Variants in SNX33 observed in about 807,000 individuals in gnomAD.
SNX33 encodes sorting nexin 33, also known as sorting nexin-33.
A neutral mutation model predicts 38.8 loss-of-function variants in SNX33; 19 were observed. The observed-to-expected ratio is 0.49, with a 90% CI of 0.34 to 0.72. SNX33 has a LOEUF of 0.72. Ranked by LOEUF, SNX33 falls within the 30% of genes least tolerant of loss-of-function variation. The probability of loss-of-function intolerance (pLI) is 0.01; values close to 1 mark genes in which losing one functional copy is unlikely to be tolerated. For synonymous variants in SNX33, 246 were observed against 289.7 expected, an observed-to-expected ratio of 0.85 and a Z score of 1.53; for missense variants, 641 against 776.4, an observed-to-expected ratio of 0.83 and a Z score of 2.07.
intron 1 of SNX33, 48 bp from the exon 2 acceptor site, chr15:75,656,914 A>G (rs372518668): frequency 1.7e-5 from 27 of 1,588,048 alleles, no homozygotes; most frequent in Non-Finnish European, 2.2e-5. Context: ...CAGGGAGCAC[A>G]TGGAGATCAG....
chr15:75,651,170 CTGTCT>C (rs1375702512), intron 1 of SNX33, among the ~76,000 whole-genome samples: 3 of 152,202 alleles, frequency 2.0e-5, no homozygotes, highest in Non-Finnish European at 4.4e-5. Flanking sequence ...GAGTGGGGGC[CTGTCT>C]TGTGCTCCTT....
intron 1 of SNX33, among the ~76,000 whole-genome samples, chr15:75,655,776 T>G (rs189932735): frequency 6.6e-6 from 1 of 152,278 alleles, no homozygotes; most frequent in East Asian, 1.9e-4. Flanking sequence ...GCTATCTGTG[T>G]GTAGTGGGTG....
At position 75,648,071 on chromosome 15, in the gene SNX33, G is replaced by A; in HGVS notation, c.-1032G>A. ...CGGCTGGCCGCGCCATCTGCTCGCC[G>A]GAGCTCACTCTCCAAACTCCAAACT... On this transcript the variant is annotated 5_prime_UTR_variant, in exon 1 of 2. Coordinates refer to ENST00000308527, the MANE Select transcript of SNX33 (RefSeq NM_153271.2). This position sits in a 1 kb window ranked among gnomAD's most constrained non-coding sequence, Gnocchi z 4.4. The A allele has an allele frequency of 1.0e-6, 1 of 985,430 alleles. No homozygotes were observed. The highest frequency in any genetic ancestry group is 1.7e-5 in the African/African-American group (1 of 57,372). 61.0% of individuals were successfully genotyped at this position (985,430 alleles called of 1,614,324 possible). A position where few individuals can be genotyped will look rare whatever the true frequency, so the allele number is the denominator to read the frequency against.
Position 75,649,444 on chromosome 15 carries a change from T to TGATGACTGG in SNX33, c.354_362dup (p.Trp120_Asp122dup). 6.5e-7 allele frequency: 1 copy of TGATGACTGG among 1,536,950 alleles called. No individual in the cohort carries two copies. The highest frequency in any genetic ancestry group is 8.8e-7 in the Non-Finnish European group (1 of 1,139,458). On this transcript the variant is annotated inframe_insertion, in exon 1 of 2. Coordinates refer to ENST00000308527, the MANE Select transcript of SNX33 (RefSeq NM_153271.2). The surrounding 1 kb of genome is among the most constrained non-coding windows in gnomAD (Gnocchi z 6.6). ...AGGGTAGCTTTGAGGAGGATGATGA[T>TGATGACTGG]GATGACTGGGATGACTGGGACGACG...
At chr15:75,656,626 G>C (rs1184350098) in intron 1 of SNX33, among the ~76,000 whole-genome samples, 6 of 152,190 alleles carry the variant, frequency 3.9e-5, no homozygotes, top group African/African-American at 1.4e-4. Flanking sequence ...CTGTGGGCCA[G>C]GCCTTGTTCT....
chr15:75,657,077 C>G lies in SNX33; in HGVS notation c.1587C>G (p.Ala529=). The G allele has an allele frequency of 6.2e-7, 1 of 1,614,162 alleles. No homozygotes were observed. The change falls in exon 2 of 2, where the codon GCC becomes GCG. Residue 529 remains alanine (A), a synonymous_variant. Coordinates refer to ENST00000308527, the MANE Select transcript of SNX33 (RefSeq NM_153271.2). The surrounding 1 kb of genome is among the most constrained non-coding windows in gnomAD (Gnocchi z 5.5). ...GCGTGGTGGGTTTCGCCCTGCAGGC[C>G]GAGATGAACCACTTCCACCAGCGCC... ...RCRVVGFALQ[A]EMNHFHQRRE... is the part of the protein sequence containing the mutation.
rs765530961 is a variant in SNX33 at position 75,657,153 on chromosome 15, C to G, written c.1663C>G (p.Leu555Val). 1 of 1,614,058 alleles carries G rather than the reference C, an allele frequency of 6.2e-7. No homozygotes were observed. Among genetic ancestry groups the G allele is most frequent in the African/African-American group, 1.3e-5 (1 of 74,926 alleles). ...MMQNYLRQQI[L>V]FYQRVGQQLE... ...GCAGAACTACTTGCGCCAGCAGATCCTCTTCTACCAGCGGGTGGGCCAGCA... is the reference window on the plus strand; with the variant it reads ...GCAGAACTACTTGCGCCAGCAGATCGTCTTCTACCAGCGGGTGGGCCAGCA... Residue 555 changes from leucine (L) to valine (V), a missense_variant, in exon 2 of 2, where the codon CTC (leucine) becomes GTC (valine). Physicochemically the swap from Leu to Val is conservative, Grantham distance 32. This residue lies in a region of SNX33 where 398 missense variants were observed against 542.5 expected (regional missense o/e 0.73). Coordinates refer to ENST00000308527, the MANE Select transcript of SNX33 (RefSeq NM_153271.2). This position sits in a 1 kb window ranked among gnomAD's most constrained non-coding sequence, Gnocchi z 5.5.
In SNX33 at chr15:75,649,727, G is replaced by A. The variant is rs941303391; in HGVS notation, c.625G>A (p.Ala209Thr). 3.9e-6 allele frequency: 6 copies of A among 1,541,124 alleles called. No individual in the cohort carries two copies. The highest frequency in any genetic ancestry group is 1.9e-5 in the Admixed American group (1 of 51,430). Reference sequence around the variant, plus strand: ...TGATGTGCCCATGATGGCCAAGATCGCTGAGACATACTCCATTGAAATGGG... The same window carrying A: ...TGATGTGCCCATGATGGCCAAGATCACTGAGACATACTCCATTGAAATGGG... ...LGDVPMMAKIAETYSIEMGPR... is the reference protein window; with the variant it reads ...LGDVPMMAKITETYSIEMGPR... Residue 209 changes from alanine to threonine, a missense_variant, in exon 1 of 2, where the codon GCT becomes ACT. Around this residue, in one of 2 missense-constraint regions of SNX33, gnomAD observed 398 missense variants for 542.5 expected, o/e 0.73. Coordinates refer to ENST00000308527, the MANE Select transcript of SNX33 (RefSeq NM_153271.2). The surrounding 1 kb of genome is among the most constrained non-coding windows in gnomAD (Gnocchi z 6.6).
At chr15:75,653,094 A>C (rs1386486306) in intron 1 of SNX33, among the ~76,000 whole-genome samples, 3 of 152,208 alleles carry the variant, frequency 2.0e-5, no homozygotes, top group Non-Finnish European at 4.4e-5. Flanking sequence ...CTAGGTGAGT[A>C]AAATGGGACC....
Position 75,648,277 on chromosome 15 carries a change from A to C in SNX33, c.-826A>C, listed in dbSNP as rs1296709442. 2 of 985,092 alleles carry C rather than the reference A, an allele frequency of 2.0e-6. No homozygotes were observed. The highest frequency in any genetic ancestry group is 2.3e-4 in the East Asian group (2 of 8,758). The allele number at this position is 985,092 out of a possible 1,614,324, so 61.0% of individuals were successfully genotyped here. On this transcript the variant is annotated 5_prime_UTR_variant, in exon 1 of 2. Transcript: ENST00000308527. This position sits in a 1 kb window ranked among gnomAD's most constrained non-coding sequence, Gnocchi z 4.4. ...AAGAGACCACTCAGCGAGTGGCTAG[A>C]AGTCGCCCGACAGCCTCGTCGCGCC...
In SNX33 at chr15:75,649,919, C is replaced by G; in HGVS notation, c.817C>G (p.Leu273Val). ...VYRRYKHFDW[L>V]YNRLLHKFTV... Reference sequence around the variant, plus strand: ...CCGGCGCTACAAACACTTTGACTGGCTCTATAACCGCCTGCTACACAAGTT... The same window carrying G: ...CCGGCGCTACAAACACTTTGACTGGGTCTATAACCGCCTGCTACACAAGTT... Residue 273 changes from leucine to valine, a missense_variant, in exon 1 of 2, where the codon CTC (leucine) becomes GTC (valine). This residue lies in a region of SNX33 where 398 missense variants were observed against 542.5 expected (regional missense o/e 0.73). Coordinates refer to ENST00000308527, the MANE Select transcript of SNX33 (RefSeq NM_153271.2). This position sits in a 1 kb window ranked among gnomAD's most constrained non-coding sequence, Gnocchi z 6.6. The G allele has an allele frequency of 3.8e-6, 6 of 1,594,306 alleles. No homozygotes were observed. Among genetic ancestry groups the G allele is most frequent in the Non-Finnish European group, 5.1e-6 (6 of 1,170,656 alleles).
In SNX33 at chr15:75,649,304, G is replaced by T. The variant is rs757022070; in HGVS notation, c.202G>T (p.Ala68Ser). 1 of 1,606,230 alleles carries T rather than the reference G, an allele frequency of 6.2e-7. No individual in the cohort carries two copies. Among genetic ancestry groups the T allele is most frequent in the Non-Finnish European group, 8.5e-7 (1 of 1,174,974 alleles). Residue 68 changes from alanine to serine, a missense_variant, in exon 1 of 2, where the codon GCT (alanine) becomes TCT (serine). Around this residue, in one of 2 missense-constraint regions of SNX33, gnomAD observed 243 missense variants for 233.9 expected, o/e 1.04. Coordinates refer to ENST00000308527, the MANE Select transcript of SNX33 (RefSeq NM_153271.2). The surrounding 1 kb of genome is among the most constrained non-coding windows in gnomAD (Gnocchi z 6.6). ...CCGTTCTGGCATCAGCACCAACCATGCTGACTACTCCAGCAGCCCTGCAGG... is the reference window on the plus strand; with the variant it reads ...CCGTTCTGGCATCAGCACCAACCATTCTGACTACTCCAGCAGCCCTGCAGG... ...IVRSGISTNHADYSSSPAGSP... is the reference protein window; with the variant it reads ...IVRSGISTNHSDYSSSPAGSP...
intron 1 of SNX33, among the ~76,000 whole-genome samples, chr15:75,656,660 T>C (rs1386643938): frequency 2.0e-5 from 3 of 152,142 alleles, no homozygotes. Context: ...ACAGAGAGGT[T>C]GAGGACAGGC....
In SNX33 at chr15:75,650,406, G is replaced by T; in HGVS notation, c.1304G>T (p.Cys435Phe). The T allele has an allele frequency of 6.2e-7, 1 of 1,613,936 alleles. No homozygotes were observed. Among genetic ancestry groups the T allele is most frequent in the Non-Finnish European group, 8.5e-7 (1 of 1,179,942 alleles). Reference protein sequence around the residue: ...SHSFQMDPPFCSEALNSAISH... With the variant: ...SHSFQMDPPFFSEALNSAISH... ...TCCTTCCAGATGGACCCCCCCTTTT[G>T]CTCTGAGGCCCTCAACAGTGCCATT... is the stretch of plus-strand genomic sequence containing the variant. The change falls in exon 1 of 2, where the codon TGC becomes TTC. Residue 435 changes from cysteine to phenylalanine, a missense_variant. Coordinates refer to ENST00000308527, the MANE Select transcript of SNX33 (RefSeq NM_153271.2). This position sits in a 1 kb window ranked among gnomAD's most constrained non-coding sequence, Gnocchi z 6.1.
chr15:75,649,960 G>A lies in SNX33; in HGVS notation c.858G>A (p.Val286=). The A allele has an allele frequency of 6.2e-7, 1 of 1,604,558 alleles. No homozygotes were observed. Among genetic ancestry groups the A allele is most frequent in the Non-Finnish European group, 8.5e-7 (1 of 1,175,824 alleles). The part of the protein sequence containing the change: ...RLLHKFTVIS[V]PHLPEKQATG... ...TACACAAGTTCACTGTCATCTCGGT[G>A]CCCCACCTGCCTGAGAAGCAGGCCA... Residue 286 remains valine (V), a synonymous_variant, in exon 1 of 2, where the codon GTG becomes GTA. Transcript: ENST00000308527. The surrounding 1 kb of genome is among the most constrained non-coding windows in gnomAD (Gnocchi z 6.6).
At chr15:75,654,500 T>C (rs1213918558) in intron 1 of SNX33, among the ~76,000 whole-genome samples, 1 of 152,226 alleles carries the variant, frequency 6.6e-6, no homozygotes, top group Non-Finnish European at 1.5e-5. Context: ...GGTGGGAGCT[T>C]AGGGAATATC....
At position 75,657,202 on chromosome 15, in the gene SNX33, A is replaced by G; in HGVS notation, c.1712A>G (p.Tyr571Cys). 6.2e-7 allele frequency: 1 copy of G among 1,614,044 alleles called. No homozygotes were observed. The highest frequency in any genetic ancestry group is 8.5e-7 in the Non-Finnish European group (1 of 1,179,960). Reference sequence around the variant, plus strand: ...CAGCTGGAGAAGACCCTGCGCATGTATGACAACCTCTGACCGCGTGTGCCT... The same window carrying G: ...CAGCTGGAGAAGACCCTGCGCATGTGTGACAACCTCTGACCGCGTGTGCCT... ...GQQLEKTLRM[Y>C]DNL Residue 571 changes from tyrosine to cysteine, a missense_variant, in exon 2 of 2, where the codon TAT (tyrosine) becomes TGT (cysteine). Physicochemically the swap from Tyr to Cys is radical, Grantham distance 194 (BLOSUM62 -2). Around this residue, in one of 2 missense-constraint regions of SNX33, gnomAD observed 398 missense variants for 542.5 expected, o/e 0.73. Coordinates refer to ENST00000308527, the MANE Select transcript of SNX33 (RefSeq NM_153271.2). The surrounding 1 kb of genome is among the most constrained non-coding windows in gnomAD (Gnocchi z 5.5).
intron 1 of SNX33, among the ~76,000 whole-genome samples, chr15:75,656,512 C>A (rs1893653834): frequency 6.6e-6 from 1 of 152,162 alleles, no homozygotes. Flanking sequence ...TGCAGAGAAC[C>A]TGTCAGAGGC....
intron 1 of SNX33, among the ~76,000 whole-genome samples, chr15:75,653,473 G>A (rs1319886316): frequency 6.6e-6 from 1 of 152,220 alleles, no homozygotes; most frequent in African/African-American, 2.4e-5. Context: ...AGGGCGATGT[G>A]GTCACTTCCG....
Sources: allele counts gnomAD v4.1 joint callset (sites outside exome capture counted in the v4.1 genomes callset), GRCh38; gene constraint gnomAD v4.1.1; regional missense constraint gnomAD v4.1.1; non-coding constraint Gnocchi (gnomAD v3.1); transcripts MANE v1.5; gene names NCBI Gene and HGNC (gene_info 2026-07-23, HGNC 2026-07-21).